The following GLDC variants were observed in gnomAD, a reference collection of about 807,000 sequenced individuals.
GLDC encodes the protein glycine dehydrogenase (decarboxylating), mitochondrial.
Under a neutral mutation model 121.3 loss-of-function variants are expected in GLDC, and 104 were observed. The ratio of observed to expected loss-of-function variants is 0.86; its 90% CI spans 0.73 to 1.01. The LOEUF is 1.01. Ranked by LOEUF, GLDC falls within the 50% of genes least tolerant of loss-of-function variation. GLDC has a pLI of 0.00. For missense variants in GLDC, 1,429 were observed against 1,306.6 expected (o/e 1.09, Z -1.44); for synonymous variants, 546 against 480.6 (o/e 1.14, Z -1.78).
chr9:6,611,373 T>G (rs62569046), intron 3 of GLDC, among the ~76,000 whole-genome samples: 10 of 152,052 alleles, frequency 6.6e-5, no homozygotes, highest in Non-Finnish European at 1.2e-4. Context: ...CTGGCTAACA[T>G]GGTGAAACCC....
intron 8 of GLDC, among the ~76,000 whole-genome samples, chr9:6,595,727 A>C (rs1029892952): frequency 5.3e-5 from 8 of 152,220 alleles, no homozygotes; most frequent in Admixed American, 3.3e-4. Flanking sequence ...CAGTGACTCC[A>C]GAAGCCGAGA....
At chr9:6,580,785 T>C (rs1020086789) in intron 15 of GLDC, among the ~76,000 whole-genome samples, 1 of 152,244 alleles carries the variant, frequency 6.6e-6, no homozygotes, top group Non-Finnish European at 1.5e-5. Flanking sequence ...ATCAGTCCCC[T>C]TCTCCATTCA....
At chr9:6,614,551 A>G (rs1405803686) in intron 3 of GLDC, among the ~76,000 whole-genome samples, 1 of 141,214 alleles carries the variant, frequency 7.1e-6, no homozygotes, top group Non-Finnish European at 1.5e-5. Flanking sequence ...CTGGGTTTCA[A>G]TCTTTTTTTT....
chr9:6,622,102 T>A (rs568097352), intron 2 of GLDC, among the ~76,000 whole-genome samples: 12 of 152,104 alleles, frequency 7.9e-5, no homozygotes, highest in Middle Eastern at 3.4e-3. Context: ...CTGAATATTA[T>A]TTGCATCAAT....
chr9:6,545,580 G>A (rs1256822473), intron 21 of GLDC, among the ~76,000 whole-genome samples: 1 of 152,088 alleles, frequency 6.6e-6, no homozygotes, highest in Non-Finnish European at 1.5e-5. Context: ...TGTACACTTA[G>A]GCTATATTAA....
chr9:6,532,780 C>G lies in GLDC; in HGVS notation c.*237G>C. ...TTCTACGCAAAACACAAAATGGCTCCCAATCCAGGCAACTGGCACATGTGG... is the reference window on the plus strand; with the variant it reads ...TTCTACGCAAAACACAAAATGGCTCGCAATCCAGGCAACTGGCACATGTGG... On this transcript the variant is annotated 3_prime_UTR_variant, in exon 25 of 25. Coordinates refer to ENST00000321612, the MANE Select transcript of GLDC (RefSeq NM_000170.3). 1.9e-6 allele frequency: 1 copy of G among 521,398 alleles called. No individual in the cohort carries two copies. The highest frequency in any genetic ancestry group is 3.4e-5 in the East Asian group (1 of 29,322). 32.3% of individuals were successfully genotyped at this position (521,398 alleles called of 1,614,324 possible). A position where few individuals can be genotyped will look rare whatever the true frequency, so the allele number is the denominator to read the frequency against.
intron 2 of GLDC, among the ~76,000 whole-genome samples, chr9:6,638,761 A>G (rs1440339909): frequency 6.6e-6 from 1 of 152,144 alleles, no homozygotes; most frequent in Non-Finnish European, 1.5e-5. Context: ...CTATAATCCC[A>G]GCACTTTGGG....
chr9:6,632,976 A>G (rs1165034712), intron 2 of GLDC, among the ~76,000 whole-genome samples: 2 of 151,364 alleles, frequency 1.3e-5, no homozygotes, highest in Non-Finnish European at 2.9e-5. Flanking sequence ...CTCTCAGCAG[A>G]CCCTCCCTGC....
chr9:6,579,706 T>A (rs1818138536), intron 15 of GLDC, among the ~76,000 whole-genome samples: 1 of 152,170 alleles, frequency 6.6e-6, no homozygotes, highest in Non-Finnish European at 1.5e-5. Flanking sequence ...TCCTTTTTAC[T>A]TAATACTGAA....
intron 12 of GLDC, 28 bp from the exon 13 acceptor site, chr9:6,588,730 GC>G: frequency 6.8e-7 from 1 of 1,461,846 alleles, no homozygotes; most frequent in Non-Finnish European, 9.6e-7. Flanking sequence ...AGAATTAGGG[GC>G]CCCAAAAGTA....
At chr9:6,627,985 T>C (rs572700728) in intron 2 of GLDC, among the ~76,000 whole-genome samples, 126 of 152,180 alleles carry the variant, frequency 8.3e-4, no homozygotes, top group South Asian at 2.1e-3. Flanking sequence ...AAGATAGCAA[T>C]AGATGCAGAG....
In GLDC at chr9:6,640,770, G is replaced by C. The variant is rs573899777; in HGVS notation, c.334+3844C>G. On this transcript the variant is annotated intron_variant, in intron 2 of 24. Coordinates refer to ENST00000321612, the MANE Select transcript of GLDC (RefSeq NM_000170.3). ...TTCACTGAAAAGACTACACAGCGAGGCATACCATAGCTAAAAGTAACTGGC... is the reference window on the plus strand; with the variant it reads ...TTCACTGAAAAGACTACACAGCGAGCCATACCATAGCTAAAAGTAACTGGC... 3.3e-5 allele frequency among the ~76,000 whole-genome samples: 5 copies of C among 152,230 alleles called. No individual in the cohort carries two copies. In the East Asian group the frequency reaches 9.6e-4, roughly 29 times the overall value.
At chr9:6,637,845 A>G (rs1475329515) in intron 2 of GLDC, among the ~76,000 whole-genome samples, 1 of 151,382 alleles carries the variant, frequency 6.6e-6, no homozygotes, top group Non-Finnish European at 1.5e-5. Context: ...AGGACTCAAC[A>G]CATTAAAAAT....
intron 15 of GLDC, chr9:6,569,215 G>A (rs1436541214): frequency 6.6e-6 from 1 of 152,148 alleles, no homozygotes. Context: ...GCAGAGATAG[G>A]GTGAGGGTGA....
rs1563870133 is a variant in GLDC, at chr9:6,629,931, A to ATATATATATG, written c.335-9613_335-9612insCATATATATA. Among the ~76,000 whole-genome samples, 280 of 82,406 alleles carry ATATATATATG rather than the reference A, an allele frequency of 3.4e-3. 7 individuals carry two copies. The highest frequency in any genetic ancestry group is 4.5e-3 in the Non-Finnish European group (220 of 48,576). The allele number at this position is 82,406 out of a possible 152,430, so 54.1% of individuals were successfully genotyped here. A position where few individuals can be genotyped will look rare whatever the true frequency, so the allele number is the denominator to read the frequency against. On this transcript the variant is annotated intron_variant, in intron 2 of 24. Transcript: ENST00000321612. ...GTGGGAGGGAGGCTTGCTTTTCACT[A>ATATATATATG]TATATATATATATGTATATATATAT...
chr9:6,535,664 T>G (rs1188003319), intron 23 of GLDC, among the ~76,000 whole-genome samples: 1 of 152,180 alleles, frequency 6.6e-6, no homozygotes, highest in African/African-American at 2.4e-5. Flanking sequence ...ACATGGGGCA[T>G]AAACATTGTA....
intron 1 of GLDC, among the ~76,000 whole-genome samples, chr9:6,644,985 A>C (rs895020685): frequency 6.6e-6 from 1 of 152,132 alleles, no homozygotes; most frequent in African/African-American, 2.4e-5. Flanking sequence ...GTCCATCCAC[A>C]GGGCCACTTG....
At chr9:6,587,395 A>G (rs562416466) in intron 14 of GLDC, 112 bp from the exon 15 acceptor site, 44 of 800,052 alleles carry the variant, frequency 5.5e-5, no homozygotes, top group Non-Finnish European at 4.3e-6. Context: ...GCACTGTTCT[A>G]AGCGCTATAC....
At chr9:6,622,611 G>T (rs1210093471) in intron 2 of GLDC, among the ~76,000 whole-genome samples, 2 of 152,124 alleles carry the variant, frequency 1.3e-5, no homozygotes, top group East Asian at 3.9e-4. Context: ...CCTCCCAGCC[G>T]CCTGCCTTGG....
Sources: gnomAD v4.1 joint callset for allele counts (sites outside exome capture counted in the v4.1 genomes callset) on GRCh38, gnomAD v4.1.1 for gene constraint, MANE v1.5 for transcripts, NCBI Gene and HGNC (gene_info 2026-07-23, HGNC 2026-07-21) for gene names.